TRPA1: variants seen among roughly 807,000 people sequenced by gnomAD.
TRPA1 encodes the protein transient receptor potential cation channel subfamily A member 1.
Under a neutral mutation model 131.3 loss-of-function variants are expected in TRPA1, and 129 were observed. The observed-to-expected ratio is 0.98, with a 90% CI of 0.85 to 1.14. The LOEUF is 1.14. Among genes scored for constraint, TRPA1 ranks in the 50% most tolerant of loss-of-function variants. The pLI is 0.00. For synonymous variants in TRPA1, 441 were observed against 451.7 expected (o/e 0.98, Z 0.30); for missense variants, 1,304 against 1,354.2 (o/e 0.96, Z 0.58).
intron 25 of TRPA1, among the ~76,000 whole-genome samples, chr8:72,024,566 T>C (rs1811515350): frequency 6.6e-6 from 1 of 152,162 alleles, no homozygotes; most frequent in Non-Finnish European, 1.5e-5. Flanking sequence ...CACAGGCTAA[T>C]GAATTGTGCT....
In TRPA1 at chr8:72,038,011, C is replaced by T; in HGVS notation, c.2357G>A (p.Cys786Tyr). Residue 786 changes from cysteine (C) to tyrosine (Y), a missense_variant, in exon 20 of 27, where the codon TGC (cysteine) becomes TAC (tyrosine). Coordinates refer to ENST00000262209, the MANE Select transcript of TRPA1 (RefSeq NM_007332.3). ...TTGGAAAATTTGCCCCGCTTCTTTGCAATACCCAAATATACTTGATAAAAA... is the reference window on the plus strand; with the variant it reads ...TTGGAAAATTTGCCCCGCTTCTTTGTAATACCCAAATATACTTGATAAAAA... ...LVFLSSIFGY[C>Y]KEAGQIFQQK... The T allele has an allele frequency of 6.2e-7, 1 of 1,602,398 alleles. No homozygotes were observed. The highest frequency in any genetic ancestry group is 8.5e-7 in the Non-Finnish European group (1 of 1,170,470).
chr8:72,033,202 A>T (rs1035358616), intron 23 of TRPA1, among the ~76,000 whole-genome samples: 1 of 152,050 alleles, frequency 6.6e-6, no homozygotes, highest in Non-Finnish European at 1.5e-5. Flanking sequence ...CTCTGCCTAA[A>T]CTCTGACCCC....
Position 72,052,624 on chromosome 8 carries a change from C to T in TRPA1, c.1786G>A (p.Val596Ile), listed in dbSNP as rs1225669803. 1.2e-5 allele frequency: 20 copies of T among 1,613,516 alleles called. No individual in the cohort carries two copies. Among genetic ancestry groups the T allele is most frequent in the African/African-American group, 4.0e-5 (3 of 74,844 alleles). Residue 596 changes from valine (V) to isoleucine (I), a missense_variant, in exon 14 of 27, where the codon GTT becomes ATT. By Grantham distance (29) the Val-to-Ile change is conservative. Transcript: ENST00000262209. ...LALHNKRKEV[V>I]LTIIRSKRWD... ...CTTTTGCTCCTGATGATCGTAAGAA[C>T]AACCTCCTTCCTCTTATTGTGAAGT...
At chr8:72,050,455 T>C (rs149394256) in intron 15 of TRPA1, among the ~76,000 whole-genome samples, 1 of 152,142 alleles carries the variant, frequency 6.6e-6, no homozygotes, top group Non-Finnish European at 1.5e-5. Context: ...TCATGCACAT[T>C]TGAAACAACA....
upstream of TRPA1, among the ~76,000 whole-genome samples, chr8:72,077,522 AT>A (rs1277488920): frequency 1.3e-5 from 2 of 152,128 alleles, no homozygotes; most frequent in South Asian, 2.1e-4. Context: ...TATAGATATG[AT>A]TTTTTTCCTG....
chr8:72,036,474 T>TAAAA lies in TRPA1; in HGVS notation c.2386-21_2386-18dup. The TAAAA allele has an allele frequency of 6.2e-7, 1 of 1,606,272 alleles. No homozygotes were observed. On this transcript the variant is annotated splice_polypyrimidine_tract_variant and intron_variant, in intron 20 of 26. Transcript: ENST00000262209. ...ATTCCTTTTCTGGGATAGAAAAGAA[T>TAAAA]AAAAAATTACCACATATAGAGACCT...
At chr8:72,067,246 C>A (rs577012558) in intron 3 of TRPA1, among the ~76,000 whole-genome samples, 3 of 152,038 alleles carry the variant, frequency 2.0e-5, no homozygotes, top group Non-Finnish European at 4.4e-5. Flanking sequence ...GGGAGAGGCA[C>A]GTAGAAAAGA....
At position 72,041,870 on chromosome 8, in the gene TRPA1, G is replaced by A. The variant is rs560331147; in HGVS notation, c.2062-2073C>T. ...AGAAAATAATAATGATTAGAGCAGA[G>A]ATAAATGTAATAGAGAATAGAAAAA... is the stretch of plus-strand genomic sequence containing the variant. On this transcript the variant is annotated intron_variant, in intron 17 of 26. Transcript: ENST00000262209. Among the ~76,000 whole-genome samples the A allele has an allele frequency of 4.6e-5, 7 of 151,546 alleles. No individual in the cohort carries two copies. In the South Asian group the frequency reaches 1.5e-3, roughly 32 times the overall value.
intron 23 of TRPA1, 124 bp from the exon 24 acceptor site, chr8:72,030,093 A>G (rs1471283091): frequency 7.8e-6 from 7 of 902,968 alleles, no homozygotes; most frequent in Non-Finnish European, 1.3e-5. Flanking sequence ...GTGTATAAAT[A>G]GCATAAGTTA....
chr8:72,046,397 T>A, intron 17 of TRPA1, 116 bp downstream of exon 17: 1 of 570,162 alleles, frequency 1.8e-6, no homozygotes, highest in Non-Finnish European at 3.0e-6. Context: ...TCAAATGGTA[T>A]TTCTCATATG....
At chr8:72,043,648 C>T (rs888623582) in intron 17 of TRPA1, among the ~76,000 whole-genome samples, 5 of 151,600 alleles carry the variant, frequency 3.3e-5, no homozygotes, top group Non-Finnish European at 7.4e-5. Context: ...TAAAAATGTC[C>T]ATCTTTCGGA....
At chr8:72,043,998 T>C (rs866144367) in intron 17 of TRPA1, among the ~76,000 whole-genome samples, 14 of 151,924 alleles carry the variant, frequency 9.2e-5, no homozygotes, top group Middle Eastern at 3.4e-3. Flanking sequence ...AGATTCCAGT[T>C]TAAAAACTAC....
chr8:72,027,259 T>C (rs1242489171), intron 24 of TRPA1, among the ~76,000 whole-genome samples: 1 of 152,146 alleles, frequency 6.6e-6, no homozygotes, highest in African/African-American at 2.4e-5. Flanking sequence ...CACTGTTCAT[T>C]ATCTACATAG....
chr8:72,039,645 C>A lies in TRPA1; in HGVS notation c.2132+82G>T, dbSNP rs553819097. The A allele has an allele frequency of 1.9e-5, 18 of 934,740 alleles. No individual in the cohort carries two copies. In the South Asian group the frequency reaches 2.1e-4, roughly 11 times the overall value. 57.9% of individuals were successfully genotyped at this position (934,740 alleles called of 1,614,324 possible). On this transcript the variant is annotated intron_variant, in intron 18 of 26. Coordinates refer to ENST00000262209, the MANE Select transcript of TRPA1 (RefSeq NM_007332.3). The stretch of plus-strand genomic sequence containing the variant: ...AACAAAAGCTAAAACATTAAAATAC[C>A]ATTACAATATAATTGTTTTGAAGGC...
rs766128988 is a variant in TRPA1 at position 72,053,790 on chromosome 8, G to T, written c.1607C>A (p.Thr536Asn). ...YTQTMKVILD[T>N]NLKCTDRLDE... The stretch of plus-strand genomic sequence containing the variant: ...CAGGCGATCTGTGCACTTCAAATTA[G>T]TATCAAGAATGACCTTCATGGTCTG... The change falls in exon 13 of 27, where the codon ACT (threonine) becomes AAT (asparagine). Residue 536 changes from threonine (T) to asparagine (N), a missense_variant. Transcript: ENST00000262209. 6.2e-7 allele frequency: 1 copy of T among 1,612,504 alleles called. No homozygotes were observed. The highest frequency in any genetic ancestry group is 8.5e-7 in the Non-Finnish European group (1 of 1,179,832).
intron 9 of TRPA1, 35 bp downstream of exon 9, chr8:72,057,682 C>A: frequency 6.7e-7 from 1 of 1,496,224 alleles, no homozygotes; most frequent in Non-Finnish European, 9.3e-7. Context: ...AATTGAGTGG[C>A]ACTTCAAAAG....
At position 72,050,951 on chromosome 8, in the gene TRPA1, C is replaced by T. The variant is rs1405593399; in HGVS notation, c.1812-80G>A. On this transcript the variant is annotated intron_variant, in intron 14 of 26. Coordinates refer to ENST00000262209, the MANE Select transcript of TRPA1 (RefSeq NM_007332.3). ...CAACAGCTGAAACTCAAGATTATTT[C>T]TTTAGGGGAAACCTAAACTTAAGCA... The T allele has an allele frequency of 7.6e-6, 8 of 1,057,770 alleles. No individual in the cohort carries two copies. The East Asian group carries it at 1.9e-4, about 25-fold the overall frequency. 65.5% of individuals were successfully genotyped at this position (1,057,770 alleles called of 1,614,324 possible).
At chr8:72,062,703 A>G in intron 6 of TRPA1, 96 bp downstream of exon 6, 1 of 1,223,724 alleles carries the variant, frequency 8.2e-7, no homozygotes, top group Non-Finnish European at 1.2e-6. Context: ...TCTTGTATGT[A>G]TTTCAATCTA....
At position 72,052,532 on chromosome 8, in the gene TRPA1, G is replaced by T. The variant is rs572668338; in HGVS notation, c.1811+67C>A. The T allele has an allele frequency of 6.1e-4, 967 of 1,586,786 alleles. 2 individuals are homozygous for T. Among genetic ancestry groups the T allele is most frequent in the Non-Finnish European group, 7.6e-4 (879 of 1,156,716 alleles). ...AAAATCATTTCTTTTCTCTTATTTT[G>T]TCTCAGACTTCAAATCATCCCAACA... On this transcript the variant is annotated intron_variant, in intron 14 of 26. Coordinates refer to ENST00000262209, the MANE Select transcript of TRPA1 (RefSeq NM_007332.3).
Sources: allele counts gnomAD v4.1 joint callset (sites outside exome capture counted in the v4.1 genomes callset), GRCh38; gene constraint gnomAD v4.1.1; transcripts MANE v1.5; gene names NCBI Gene and HGNC (gene_info 2026-07-23, HGNC 2026-07-21).